Variants in SCGB2B2 observed in about 807,000 individuals in gnomAD.
SCGB2B2 encodes secretoglobin-like protein.
In SCGB2B2, 11 loss-of-function variants were observed where a neutral mutation model predicts 7.6. The observed-to-expected ratio is 1.45, with a 90% confidence interval of 0.91 to 2.40. The LOEUF is 2.40. Ranked by LOEUF, SCGB2B2 falls within the 30% of genes most tolerant of loss-of-function variation. The pLI is 0.00. For missense variants in SCGB2B2, 104 were observed against 115.4 expected (o/e 0.90, Z 0.45); for synonymous variants, 50 against 48.6 (o/e 1.03, Z -0.12).
chr19:34,650,318 C>A (rs1397554892), intron 1 of SCGB2B2, among the ~76,000 whole-genome samples: 2 of 151,256 alleles, frequency 1.3e-5, no homozygotes, highest in Non-Finnish European at 2.9e-5. Flanking sequence ...TTTCCTGGTG[C>A]CCCTTGGCCA....
chr19:34,668,318 T>C (rs1489117407), intron 1 of SCGB2B2, among the ~76,000 whole-genome samples: 2 of 152,000 alleles, frequency 1.3e-5, no homozygotes, highest in African/African-American at 4.8e-5. Flanking sequence ...GCCCGGGCAG[T>C]GAGGGGCTTA....
chr19:34,619,306 T>C (rs2066175993), intron 1 of SCGB2B2, among the ~76,000 whole-genome samples: 2 of 152,332 alleles, frequency 1.3e-5, no homozygotes, highest in South Asian at 4.1e-4. Flanking sequence ...ATAGGCCAAA[T>C]ATCAGCTTTA....
rs2065440086 is a variant in SCGB2B2, at chr19:34,595,978, G to C, written c.-1415C>G. 6.6e-6 allele frequency: 1 copy of C among 152,352 alleles called. No individual in the cohort carries two copies. The highest frequency in any genetic ancestry group is 2.4e-5 in the African/African-American group (1 of 41,446). The allele number at this position is 152,352 out of a possible 1,614,324, so 9.4% of individuals were successfully genotyped here. A position where few individuals can be genotyped will look rare whatever the true frequency, so the allele number is the denominator to read the frequency against. On this transcript the variant is annotated 5_prime_UTR_variant, in exon 2 of 4. Transcript: ENST00000601241. ...CAGAGGACACTCACTGGGCTGCTGAGAGCCATGTAGAACCGCAGAGCAGTT... is the reference window on the plus strand; with the variant it reads ...CAGAGGACACTCACTGGGCTGCTGACAGCCATGTAGAACCGCAGAGCAGTT...
At chr19:34,674,102 T>C (rs2067865372) in intron 1 of SCGB2B2, among the ~76,000 whole-genome samples, 3 of 152,220 alleles carry the variant, frequency 2.0e-5, no homozygotes, top group African/African-American at 7.2e-5. Flanking sequence ...ACTTAACTCA[T>C]ATTCCAAATA....
intron 1 of SCGB2B2, among the ~76,000 whole-genome samples, chr19:34,674,453 G>A (rs1021687113): frequency 4.6e-5 from 7 of 152,200 alleles, no homozygotes; most frequent in Non-Finnish European, 1.0e-4. Context: ...AAAATCTTCA[G>A]TTATTGTTAT....
At position 34,593,037 on chromosome 19, in the gene SCGB2B2, T is replaced by C. The variant is rs1377465655; in HGVS notation, c.*518A>G. 1.3e-5 allele frequency among the ~76,000 whole-genome samples: 2 copies of C among 152,120 alleles called. No homozygotes were observed. Among genetic ancestry groups the C allele is most frequent in the Non-Finnish European group, 2.9e-5 (2 of 68,008 alleles). ...ATTTCCTGGGTTCCGAAAACAGGCA[T>C]ATCGACTGGACACAGTGGCTCATGC... On this transcript the variant is annotated 3_prime_UTR_variant, in exon 4 of 4. Transcript: ENST00000601241.
intron 1 of SCGB2B2, among the ~76,000 whole-genome samples, chr19:34,625,250 T>C (rs1315534879): frequency 6.6e-6 from 1 of 152,126 alleles, no homozygotes; most frequent in African/African-American, 2.4e-5. Context: ...TTCATCTCAC[T>C]GTGGAGTGTT....
chr19:34,586,463 G>A (rs1403608383), downstream of SCGB2B2, among the ~76,000 whole-genome samples: 2 of 151,950 alleles, frequency 1.3e-5, no homozygotes, highest in Non-Finnish European at 2.9e-5. Flanking sequence ...CTAGGCAACC[G>A]CTGATCAGCT....
chr19:34,594,359 CCT>C lies in SCGB2B2; in HGVS notation c.62-2_62-1del, dbSNP rs771620688. ...TTTATCGATATCCAGGCAGGCATCC[CCT>C]GTGGAGGATGAGGTGAGATAAGAAA... On this transcript the variant is annotated splice_acceptor_variant, in intron 2 of 3. Transcript: ENST00000601241. LOFTEE classifies it high-confidence loss of function. 1 of 1,613,300 alleles carries C rather than the reference CCT, an allele frequency of 6.2e-7. No individual in the cohort carries two copies. Among genetic ancestry groups the C allele is most frequent in the South Asian group, 1.1e-5 (1 of 91,042 alleles).
chr19:34,594,325 C>T lies in SCGB2B2; in HGVS notation c.96G>A (p.Ala32=), dbSNP rs751550986. ...DACLDIDKLL[A]NVVFDVSQDL... ...CTTGGGACACATCAAACACAACATT[C>T]GCAAGCAGTTTATCGATATCCAGGC... Residue 32 remains alanine, a synonymous_variant, in exon 3 of 4, where the codon GCG becomes GCA. Coordinates refer to ENST00000601241, the MANE Select transcript of SCGB2B2 (RefSeq NM_001025591.4). The T allele has an allele frequency of 8.7e-6, 14 of 1,614,132 alleles. No homozygotes were observed. Among genetic ancestry groups the T allele is most frequent in the South Asian group, 2.2e-5 (2 of 91,078 alleles).
intron 1 of SCGB2B2, among the ~76,000 whole-genome samples, chr19:34,612,015 G>C (rs1274076825): frequency 1.2e-5 from 1 of 83,540 alleles, no homozygotes; most frequent in Non-Finnish European, 2.4e-5. Context: ...TTGTGTTTTA[G>C]AAAATTCTTT....
intron 1 of SCGB2B2, among the ~76,000 whole-genome samples, chr19:34,602,990 G>C (rs1476799251): frequency 6.6e-6 from 1 of 152,094 alleles, no homozygotes; most frequent in Non-Finnish European, 1.5e-5. Context: ...TTAAGTATTT[G>C]CCAGAACTTT....
chr19:34,602,750 T>G (rs910690464), intron 1 of SCGB2B2, among the ~76,000 whole-genome samples: 3 of 152,312 alleles, frequency 2.0e-5, no homozygotes, highest in African/African-American at 4.8e-5. Flanking sequence ...TAATAGCTCC[T>G]TTTCCTTATC....
At chr19:34,664,940 C>T (rs563060415) in intron 1 of SCGB2B2, among the ~76,000 whole-genome samples, 34 of 152,238 alleles carry the variant, frequency 2.2e-4, no homozygotes, top group South Asian at 6.2e-4. Context: ...CTGCAAATGC[C>T]CTGACCCATC....
chr19:34,675,759 CGTCTGGA>C lies in SCGB2B2; in HGVS notation c.-2168_-2162del, dbSNP rs968267159. 1.3e-5 allele frequency: 2 copies of C among 152,548 alleles called. No individual in the cohort carries two copies. Among genetic ancestry groups the C allele is most frequent in the Non-Finnish European group, 2.9e-5 (2 of 68,604 alleles). 9.4% of individuals were successfully genotyped at this position (152,548 alleles called of 1,614,324 possible). A position where few individuals can be genotyped will look rare whatever the true frequency, so the allele number is the denominator to read the frequency against. ...TGTGTTACAGCTCATAAAGGCGGTG[CGTCTGGA>C]GTCGTGCTGGAGTTGTTTGTTCCTC... On this transcript the variant is annotated 5_prime_UTR_variant, in exon 1 of 4. An upstream open reading frame in the 5' UTR loses its in-frame stop. Coordinates refer to ENST00000601241, the MANE Select transcript of SCGB2B2 (RefSeq NM_001025591.4).
chr19:34,657,192 C>T (rs2067305866), intron 1 of SCGB2B2, among the ~76,000 whole-genome samples: 1 of 151,118 alleles, frequency 6.6e-6, no homozygotes, highest in South Asian at 2.1e-4. Context: ...GAACAGATAC[C>T]TTGGAATAAA....
rs10405727 is a variant in SCGB2B2 at position 34,658,816 on chromosome 19, A to C, written c.-2032+16814T>G. ...ACAACAACAACAACAACAACAACAA[A>C]AAAAAAAAAAAAAAAAAAAGAGAGA... On this transcript the variant is annotated intron_variant, in intron 1 of 3. Coordinates refer to ENST00000601241, the MANE Select transcript of SCGB2B2 (RefSeq NM_001025591.4). Among the ~76,000 whole-genome samples the C allele has an allele frequency of 3.2e-3, 307 of 96,990 alleles. 1 individual carries two copies. Among genetic ancestry groups the C allele is most frequent in the African/African-American group, 4.6e-3 (122 of 26,522 alleles). The allele number at this position is 96,990 out of a possible 152,430, so 63.6% of individuals were successfully genotyped here.
At chr19:34,660,807 A>G (rs1045491315) in intron 1 of SCGB2B2, among the ~76,000 whole-genome samples, 1 of 152,234 alleles carries the variant, frequency 6.6e-6, no homozygotes, top group Non-Finnish European at 1.5e-5. Flanking sequence ...TCACTCTACT[A>G]TAAAGACACA....
At chr19:34,625,053 A>G (rs776435838) in intron 1 of SCGB2B2, among the ~76,000 whole-genome samples, 2 of 152,180 alleles carry the variant, frequency 1.3e-5, no homozygotes, top group Non-Finnish European at 2.9e-5. Flanking sequence ...TATCTGAGGT[A>G]TTACTCAGAG....
Sources: gnomAD v4.1 joint callset for allele counts (sites outside exome capture counted in the v4.1 genomes callset) on GRCh38, gnomAD v4.1.1 for gene constraint, MANE v1.5 for transcripts, NCBI Gene and HGNC (gene_info 2026-07-23, HGNC 2026-07-21) for gene names.